Variants in HS6ST3 observed in about 807,000 individuals in gnomAD.
The protein encoded by HS6ST3 is heparan sulfate 6-O-sulfotransferase 3.
A neutral mutation model predicts 36.7 loss-of-function variants in HS6ST3; 12 were observed. That is an observed-to-expected ratio of 0.33 (90% CI 0.21 to 0.53). The LOEUF (loss-of-function observed/expected upper bound fraction) is 0.53. Ranked by LOEUF, HS6ST3 falls within the 20% of genes least tolerant of loss-of-function variation. The pLI is 0.95. For missense variants in HS6ST3, 584 were observed against 640.9 expected, an observed-to-expected ratio of 0.91 and a Z score of 0.96; for synonymous variants, 240 against 257.5, an observed-to-expected ratio of 0.93 and a Z score of 0.65.
At chr13:96,585,750 A>G (rs1200011239) in intron 1 of HS6ST3, among the ~76,000 whole-genome samples, 1 of 152,116 alleles carries the variant, frequency 6.6e-6, no homozygotes, top group African/African-American at 2.4e-5. Flanking sequence ...ATGTCCTCCA[A>G]ATTCATCCAT....
At chr13:96,317,362 A>AAAAT (rs2054979114) in intron 1 of HS6ST3, among the ~76,000 whole-genome samples, 5 of 26,598 alleles carry the variant, frequency 1.9e-4, no homozygotes, top group African/African-American at 6.5e-4. Context: ...ATATATATAT[A>AAAAT]TATATAAAAT....
chr13:96,365,801 A>G (rs2055259901), intron 1 of HS6ST3, among the ~76,000 whole-genome samples: 1 of 152,216 alleles, frequency 6.6e-6, no homozygotes, highest in South Asian at 2.1e-4. Flanking sequence ...TAATGCATAT[A>G]AGGGAAAGAA....
At chr13:96,639,793 A>G (rs762202353) in intron 1 of HS6ST3, among the ~76,000 whole-genome samples, 14 of 151,988 alleles carry the variant, frequency 9.2e-5, no homozygotes, top group Non-Finnish European at 1.9e-4. Flanking sequence ...AAATGAGAAC[A>G]TGTGGTATTT....
chr13:96,234,975 G>A (rs1046040802), intron 1 of HS6ST3, among the ~76,000 whole-genome samples: 1 of 151,958 alleles, frequency 6.6e-6, no homozygotes, highest in Non-Finnish European at 1.5e-5. Flanking sequence ...TTTATGCCTA[G>A]GGTTGCTCAT....
intron 1 of HS6ST3, among the ~76,000 whole-genome samples, chr13:96,305,018 C>T (rs562681373): frequency 2.2e-4 from 33 of 151,976 alleles, no homozygotes; most frequent in African/African-American, 7.7e-4. Context: ...TAATGATTTT[C>T]CTGCTCTGAG....
At chr13:96,365,693 CTAAAT>C (rs1308726765) in intron 1 of HS6ST3, among the ~76,000 whole-genome samples, 4 of 152,096 alleles carry the variant, frequency 2.6e-5, no homozygotes, top group Middle Eastern at 3.4e-3. Flanking sequence ...TTGTGACTAT[CTAAAT>C]AGAAAGATTA....
chr13:96,692,749 A>G (rs1594837702), intron 1 of HS6ST3, among the ~76,000 whole-genome samples: 1 of 152,178 alleles, frequency 6.6e-6, no homozygotes, highest in African/African-American at 2.4e-5. Flanking sequence ...ACAAAAATGT[A>G]TATTTTTGCA....
chr13:96,339,965 G>C (rs2055121814), intron 1 of HS6ST3, among the ~76,000 whole-genome samples: 1 of 152,216 alleles, frequency 6.6e-6, no homozygotes, highest in South Asian at 2.1e-4. Context: ...TTCTTATTCA[G>C]AACAGAGAGT....
At chr13:96,520,287 A>G (rs1029492554) in intron 1 of HS6ST3, among the ~76,000 whole-genome samples, 3 of 152,156 alleles carry the variant, frequency 2.0e-5, no homozygotes, top group African/African-American at 7.2e-5. Flanking sequence ...GTCAGGTAGC[A>G]TGATGCCTCC....
chr13:96,558,323 G>A (rs1320367508), intron 1 of HS6ST3, among the ~76,000 whole-genome samples: 1 of 152,162 alleles, frequency 6.6e-6, no homozygotes, highest in South Asian at 2.1e-4. Context: ...TTCTGGGAGA[G>A]TGTCTCTTAC....
intron 1 of HS6ST3, among the ~76,000 whole-genome samples, chr13:96,831,333 A>G (rs183248317): frequency 1.3e-5 from 2 of 152,316 alleles, no homozygotes; most frequent in African/African-American, 4.8e-5. Flanking sequence ...GGTGGTCAAT[A>G]CATAGAAATT....
In HS6ST3 at chr13:96,240,145, C is replaced by T. The variant is rs1264179294; in HGVS notation, c.707+148576C>T. Among the ~76,000 whole-genome samples, 3 of 152,052 alleles carry T rather than the reference C, an allele frequency of 2.0e-5. No individual in the cohort carries two copies. In the South Asian group the frequency reaches 6.2e-4, roughly 32 times the overall value. On this transcript the variant is annotated intron_variant, in intron 1 of 1. Transcript: ENST00000376705. ...AAAACTTTTTAACTTGCCAACTATTCGTTTATGTAGCACTTACAGCATTTC... is the reference window on the plus strand; with the variant it reads ...AAAACTTTTTAACTTGCCAACTATTTGTTTATGTAGCACTTACAGCATTTC...
chr13:96,813,569 G>A (rs1259016340), intron 1 of HS6ST3, among the ~76,000 whole-genome samples: 1 of 152,220 alleles, frequency 6.6e-6, no homozygotes, highest in African/African-American at 2.4e-5. Context: ...TGTGGAAAAT[G>A]AGGAAATTCT....
chr13:96,477,440 G>A (rs1421369354), intron 1 of HS6ST3, among the ~76,000 whole-genome samples: 2 of 152,200 alleles, frequency 1.3e-5, no homozygotes, highest in Non-Finnish European at 2.9e-5. Flanking sequence ...AAGTAAATGT[G>A]TTTATGTATT....
intron 1 of HS6ST3, among the ~76,000 whole-genome samples, chr13:96,219,695 T>C (rs1490705800): frequency 6.6e-6 from 1 of 152,178 alleles, no homozygotes; most frequent in Non-Finnish European, 1.5e-5. Flanking sequence ...CTTTCTTTTT[T>C]TTTTTTGAGA....
intron 1 of HS6ST3, among the ~76,000 whole-genome samples, chr13:96,145,533 A>G (rs2054053638): frequency 6.6e-6 from 1 of 151,832 alleles, no homozygotes; most frequent in Non-Finnish European, 1.5e-5. Flanking sequence ...GTTTGAGTTC[A>G]TTGTAGATTC....
intron 1 of HS6ST3, among the ~76,000 whole-genome samples, chr13:96,760,820 C>T (rs1594853891): frequency 6.6e-6 from 1 of 152,028 alleles, no homozygotes; most frequent in South Asian, 2.1e-4. Flanking sequence ...GTTTTTTCTG[C>T]TTTTTTTATT....
At chr13:96,816,879 T>C (rs1339475221) in intron 1 of HS6ST3, among the ~76,000 whole-genome samples, 1 of 152,232 alleles carries the variant, frequency 6.6e-6, no homozygotes, top group South Asian at 2.1e-4. Flanking sequence ...CCATTTTCCC[T>C]TTGATAAGGG....
chr13:96,129,628 G>T (rs558181353), intron 1 of HS6ST3, among the ~76,000 whole-genome samples: 1 of 152,142 alleles, frequency 6.6e-6, no homozygotes, highest in Non-Finnish European at 1.5e-5. Flanking sequence ...TAGTAATGGT[G>T]TTTTGTGTGA....
Sources: gnomAD v4.1 joint callset for allele counts (sites outside exome capture counted in the v4.1 genomes callset) on GRCh38, gnomAD v4.1.1 for gene constraint, MANE v1.5 for transcripts, NCBI Gene and HGNC (gene_info 2026-07-23, HGNC 2026-07-21) for gene names.